The following LRRTM4 variants were observed in gnomAD, a reference collection of about 807,000 sequenced individuals.
The protein encoded by LRRTM4 is leucine-rich repeat transmembrane neuronal protein 4.
LRRTM4 carries 25 observed loss-of-function variants against 47.6 expected under a neutral mutation model. That is an observed-to-expected ratio of 0.53 (90% confidence interval 0.38 to 0.73). The LOEUF (loss-of-function observed/expected upper bound fraction) is 0.73, where lower values mean the gene tolerates loss of function less well. Among genes scored for constraint, LRRTM4 ranks in the 30% least tolerant of loss-of-function variants. LRRTM4 has a pLI of 0.00. For missense variants in LRRTM4, 638 were observed against 713.4 expected (o/e 0.89, Z 1.20); for synonymous variants, 311 against 269.5 (o/e 1.15, Z -1.51).
chr2:76,903,956 G>A (rs1424819994), intron 3 of LRRTM4, among the ~76,000 whole-genome samples: 1 of 152,134 alleles, frequency 6.6e-6, no homozygotes. Flanking sequence ...AAATGAATGA[G>A]CATCAAGTTA....
intron 3 of LRRTM4, among the ~76,000 whole-genome samples, chr2:76,848,633 TATC>T (rs531659052): frequency 7.2e-5 from 11 of 152,238 alleles, no homozygotes; most frequent in East Asian, 1.9e-4. Flanking sequence ...TTATTGCTAT[TATC>T]ATTTTATTCT....
intron 3 of LRRTM4, among the ~76,000 whole-genome samples, chr2:77,394,226 T>C (rs1199224568): frequency 6.6e-6 from 1 of 151,958 alleles, no homozygotes; most frequent in East Asian, 1.9e-4. Flanking sequence ...AAAAATTTAA[T>C]GTACTTATTC....
chr2:77,298,171 A>G (rs1013885752), intron 3 of LRRTM4, among the ~76,000 whole-genome samples: 1 of 152,216 alleles, frequency 6.6e-6, no homozygotes, highest in African/African-American at 2.4e-5. Flanking sequence ...AAACGAATAC[A>G]TTCTAATAAA....
At chr2:77,507,551 A>G (rs2104094043) in intron 3 of LRRTM4, among the ~76,000 whole-genome samples, 1 of 152,276 alleles carries the variant, frequency 6.6e-6, no homozygotes. Flanking sequence ...ATGATTTGCG[A>G]AAGTTAAAAA....
At chr2:77,247,587 A>T (rs1280671840) in intron 3 of LRRTM4, among the ~76,000 whole-genome samples, 2 of 152,046 alleles carry the variant, frequency 1.3e-5, no homozygotes, top group African/African-American at 4.8e-5. Flanking sequence ...GTTACAAACT[A>T]CCTAATAACT....
rs192610965 is a variant in LRRTM4, at chr2:77,027,959, T to C, written c.1552-279043A>G. On this transcript the variant is annotated intron_variant, in intron 3 of 3. Coordinates refer to ENST00000409884, the MANE Select transcript of LRRTM4 (RefSeq NM_001134745.3). ...TGGTGAAACTTCTAACTTTCTCTCT[T>C]ATCTAGTATTTGTTTACAAATTAAA... 3.6e-4 allele frequency among the ~76,000 whole-genome samples: 54 copies of C among 148,076 alleles called. 2 individuals are homozygous for C. In the East Asian group the frequency reaches 0.01, roughly 28 times the overall value.
chr2:76,843,475 G>C (rs1054736007), intron 3 of LRRTM4, among the ~76,000 whole-genome samples: 1 of 152,136 alleles, frequency 6.6e-6, no homozygotes, highest in Non-Finnish European at 1.5e-5. Flanking sequence ...CAAAAGGTCA[G>C]TTGCTTCCAT....
At chr2:77,054,698 T>A (rs1439684799) in intron 3 of LRRTM4, among the ~76,000 whole-genome samples, 2 of 152,216 alleles carry the variant, frequency 1.3e-5, no homozygotes, top group Non-Finnish European at 2.9e-5. Flanking sequence ...AGCTACCTGC[T>A]TAGTTTCAAG....
At chr2:76,982,306 AAAC>A in intron 3 of LRRTM4, among the ~76,000 whole-genome samples, 1 of 152,158 alleles carries the variant, frequency 6.6e-6, no homozygotes, top group African/African-American at 2.4e-5. Context: ...TGTCATATCA[AAAC>A]AACTATATAT....
At chr2:77,122,511 T>C (rs968048050) in intron 3 of LRRTM4, among the ~76,000 whole-genome samples, 9 of 149,920 alleles carry the variant, frequency 6.0e-5, no homozygotes, top group South Asian at 2.1e-4. Flanking sequence ...TACACACACA[T>C]ATATATAATA....
intron 3 of LRRTM4, among the ~76,000 whole-genome samples, chr2:76,920,745 A>G (rs62170328): frequency 0.14 from 22,035 of 152,062 alleles, 2,021 homozygotes; most frequent in Admixed American, 0.22. Flanking sequence ...CTTATAGTGC[A>G]TGGTAGATTC....
chr2:77,455,971 T>C lies in LRRTM4; in HGVS notation c.1551+62347A>G, dbSNP rs141674311. Among the ~76,000 whole-genome samples, 325 of 152,280 alleles carry C rather than the reference T, an allele frequency of 2.1e-3. 2 individuals are homozygous for C. Among genetic ancestry groups the C allele is most frequent in the African/African-American group, 7.5e-3 (312 of 41,564 alleles). Reference sequence around the variant, plus strand: ...TTTTCCTTATTCATTACCTGTTTCATGACCCCACTTATTTTCTAGATTGAT... The same window carrying C: ...TTTTCCTTATTCATTACCTGTTTCACGACCCCACTTATTTTCTAGATTGAT... On this transcript the variant is annotated intron_variant, in intron 3 of 3. Transcript: ENST00000409884.
intron 3 of LRRTM4, among the ~76,000 whole-genome samples, chr2:77,144,941 G>C (rs185283738): frequency 7.9e-5 from 12 of 152,222 alleles, no homozygotes; most frequent in Admixed American, 7.2e-4. Context: ...GGTGAAATTA[G>C]AAATGTATGC....
chr2:77,502,369 T>C (rs1483111187), intron 3 of LRRTM4, among the ~76,000 whole-genome samples: 1 of 151,366 alleles, frequency 6.6e-6, no homozygotes, highest in African/African-American at 2.4e-5. Context: ...AACAAAAGTA[T>C]GAGAGAAAAA....
chr2:77,006,842 T>C (rs1002634363), intron 3 of LRRTM4, among the ~76,000 whole-genome samples: 2 of 151,700 alleles, frequency 1.3e-5, no homozygotes, highest in Non-Finnish European at 2.9e-5. Context: ...ACACCAAGAG[T>C]AGAGGTCAGA....
At chr2:77,379,730 T>C (rs1672981547) in intron 3 of LRRTM4, among the ~76,000 whole-genome samples, 1 of 152,104 alleles carries the variant, frequency 6.6e-6, no homozygotes, top group African/African-American at 2.4e-5. Context: ...TATTTCGCCT[T>C]CTTTCTTCAA....
intron 3 of LRRTM4, among the ~76,000 whole-genome samples, chr2:77,264,433 A>T (rs1675999188): frequency 6.6e-6 from 1 of 152,072 alleles, no homozygotes; most frequent in Admixed American, 6.6e-5. Flanking sequence ...TTATAAACTC[A>T]TTTAACCTCA....
chr2:77,319,213 T>C (rs1677716404), intron 3 of LRRTM4, among the ~76,000 whole-genome samples: 1 of 151,914 alleles, frequency 6.6e-6, no homozygotes, highest in East Asian at 1.9e-4. Flanking sequence ...TAGTGAAACC[T>C]TGTCTCTACT....
intron 3 of LRRTM4, among the ~76,000 whole-genome samples, chr2:77,061,096 G>A (rs1045664913): frequency 2.0e-5 from 3 of 149,602 alleles, no homozygotes; most frequent in Non-Finnish European, 4.5e-5. Context: ...CTCTGGACAA[G>A]CCATTAGAGT....
Sources: gnomAD v4.1 joint callset for allele counts (sites outside exome capture counted in the v4.1 genomes callset) on GRCh38, gnomAD v4.1.1 for gene constraint, MANE v1.5 for transcripts, NCBI Gene and HGNC (gene_info 2026-07-23, HGNC 2026-07-21) for gene names.